The following GRM8 variants were observed in gnomAD, a reference collection of about 807,000 sequenced individuals.
The protein encoded by GRM8 is metabotropic glutamate receptor 8.
A neutral mutation model predicts 87.2 loss-of-function variants in GRM8; 47 were observed. The observed-to-expected ratio is 0.54, with a 90% CI of 0.43 to 0.69. The LOEUF is 0.69. GRM8 is among the 30% of genes least tolerant of loss of function. GRM8 has a pLI of 0.00. For missense variants in GRM8, 1,019 were observed against 1,139.2 expected (o/e 0.89, Z 1.52); for synonymous variants, 396 against 404.5 (o/e 0.98, Z 0.25).
At chr7:126,888,155 T>C (rs1800675287) in intron 6 of GRM8, among the ~76,000 whole-genome samples, 1 of 152,084 alleles carries the variant, frequency 6.6e-6, no homozygotes, top group South Asian at 2.1e-4. Context: ...CTCTGACAAA[T>C]GACACTCCTC....
intron 7 of GRM8, among the ~76,000 whole-genome samples, chr7:126,704,577 A>G (rs938772693): frequency 2.2e-4 from 34 of 152,148 alleles, no homozygotes; most frequent in African/African-American, 7.2e-4. Context: ...AATGGGAGAA[A>G]TATCACTGAA....
chr7:126,964,373 CAG>C (rs1336583183), intron 3 of GRM8, among the ~76,000 whole-genome samples: 1 of 152,144 alleles, frequency 6.6e-6, no homozygotes, highest in South Asian at 2.1e-4. Flanking sequence ...AGTGAACAGG[CAG>C]CCTACAGAAT....
chr7:126,983,282 A>G (rs931480978), intron 3 of GRM8, among the ~76,000 whole-genome samples: 1 of 151,970 alleles, frequency 6.6e-6, no homozygotes, highest in Admixed American at 6.6e-5. Context: ...TCAAAAGGCC[A>G]TCCTGAAGCA....
At chr7:126,561,471 A>C (rs1316400783) in intron 8 of GRM8, among the ~76,000 whole-genome samples, 3 of 151,986 alleles carry the variant, frequency 2.0e-5, no homozygotes, top group Admixed American at 2.0e-4. Context: ...TCTGTTTCAA[A>C]AAAAAAAGGT....
At chr7:127,171,313 C>A (rs1441635547) in intron 2 of GRM8, among the ~76,000 whole-genome samples, 1 of 152,132 alleles carries the variant, frequency 6.6e-6, no homozygotes, top group Non-Finnish European at 1.5e-5. Context: ...GAAATGACAA[C>A]AAAGGATTTA....
intron 6 of GRM8, among the ~76,000 whole-genome samples, chr7:126,801,323 G>A (rs548907601): frequency 1.3e-5 from 2 of 152,034 alleles, no homozygotes; most frequent in Non-Finnish European, 1.5e-5. Flanking sequence ...TAGAGGTGAC[G>A]TCTATTAAAG....
At chr7:127,096,569 A>AG (rs1824676636) in intron 3 of GRM8, among the ~76,000 whole-genome samples, 1 of 152,116 alleles carries the variant, frequency 6.6e-6, no homozygotes, top group African/African-American at 2.4e-5. Context: ...AAAAAAAAAA[A>AG]AAAATACAAA....
chr7:127,220,036 T>G (rs114244993), intron 2 of GRM8, among the ~76,000 whole-genome samples: 2,232 of 152,318 alleles, frequency 0.015, 47 homozygotes, highest in African/African-American at 0.049. Flanking sequence ...TCTATACCAT[T>G]ATTTCAGCAA....
intron 8 of GRM8, among the ~76,000 whole-genome samples, chr7:126,603,579 T>C (rs1585191894): frequency 6.6e-6 from 1 of 151,994 alleles, no homozygotes; most frequent in East Asian, 1.9e-4. Flanking sequence ...ACAAGCATTC[T>C]TATACACCAA....
At chr7:127,006,204 T>C (rs999840160) in intron 3 of GRM8, among the ~76,000 whole-genome samples, 1 of 151,952 alleles carries the variant, frequency 6.6e-6, no homozygotes, top group East Asian at 1.9e-4. Flanking sequence ...TGAAATCTCC[T>C]TGGTCCATAT....
intron 7 of GRM8, among the ~76,000 whole-genome samples, chr7:126,625,597 T>C (rs1800595469): frequency 6.6e-6 from 1 of 152,304 alleles, no homozygotes; most frequent in Middle Eastern, 3.4e-3. Flanking sequence ...AAAGTGTCAT[T>C]GTCATTAATG....
At chr7:126,496,352 T>A (rs931054756) in intron 9 of GRM8, among the ~76,000 whole-genome samples, 1 of 151,936 alleles carries the variant, frequency 6.6e-6, no homozygotes, top group Admixed American at 6.6e-5. Flanking sequence ...AAATGAGGTC[T>A]ACATACCTTA....
chr7:126,716,026 A>C (rs1811698463), intron 7 of GRM8, among the ~76,000 whole-genome samples: 2 of 152,152 alleles, frequency 1.3e-5, no homozygotes, highest in African/African-American at 4.8e-5. Context: ...CCTAAAATAG[A>C]TTTTATATCA....
chr7:127,248,514 C>A (rs993207894), intron 1 of GRM8, among the ~76,000 whole-genome samples: 1 of 152,308 alleles, frequency 6.6e-6, no homozygotes, highest in Admixed American at 6.5e-5. Context: ...GACACTGATT[C>A]TAGTCTTACT....
intron 3 of GRM8, among the ~76,000 whole-genome samples, chr7:127,090,485 A>G (rs971622966): frequency 2.2e-4 from 33 of 152,330 alleles, no homozygotes; most frequent in Admixed American, 1.9e-3. Flanking sequence ...CATCAGATTT[A>G]TCTACTTCTG....
At chr7:126,892,507 G>A (rs1388429480) in intron 6 of GRM8, among the ~76,000 whole-genome samples, 2 of 151,986 alleles carry the variant, frequency 1.3e-5, no homozygotes, top group African/African-American at 2.4e-5. Context: ...TGGTGTATAT[G>A]TGCCACATTT....
intron 6 of GRM8, among the ~76,000 whole-genome samples, chr7:126,879,476 CCT>C (rs1250453325): frequency 1.3e-5 from 2 of 151,864 alleles, no homozygotes; most frequent in African/African-American, 4.8e-5. Flanking sequence ...TTTTTCTCTC[CCT>C]CTCTCTTTCT....
intron 6 of GRM8, among the ~76,000 whole-genome samples, chr7:126,885,810 A>T (rs1586322679): frequency 6.6e-6 from 1 of 152,164 alleles, no homozygotes; most frequent in Non-Finnish European, 1.5e-5. Context: ...TCTACCTTCA[A>T]ATATAACTTT....
chr7:127,133,533 C>T (rs1452098800), intron 2 of GRM8, among the ~76,000 whole-genome samples: 1 of 151,558 alleles, frequency 6.6e-6, no homozygotes, highest in African/African-American at 2.4e-5. Context: ...AGTGAAACCC[C>T]GTCTCTACTA....
Sources: allele counts gnomAD v4.1 joint callset (sites outside exome capture counted in the v4.1 genomes callset), GRCh38; gene constraint gnomAD v4.1.1; transcripts MANE v1.5; gene names NCBI Gene and HGNC (gene_info 2026-07-23, HGNC 2026-07-21).